MRPS31: variants seen among roughly 807,000 people sequenced by gnomAD.
The protein encoded by MRPS31 is small ribosomal subunit protein mS31.
MRPS31 carries 32 observed loss-of-function variants against 43.1 expected under a neutral mutation model. The observed-to-expected ratio is 0.74, with a 90% CI of 0.56 to 1.00. The LOEUF (loss-of-function observed/expected upper bound fraction) is 1.00. Ranked by LOEUF, MRPS31 falls within the 50% of genes least tolerant of loss-of-function variation. The pLI, the probability that MRPS31 is intolerant of heterozygous loss-of-function variation, is 0.00. For synonymous variants in MRPS31, 165 were observed against 161.6 expected, an observed-to-expected ratio of 1.02 and a Z score of -0.16; for missense variants, 437 against 466.7, an observed-to-expected ratio of 0.94 and a Z score of 0.59.
Position 40,771,170 on chromosome 13 carries a change from G to T in MRPS31, c.-34C>A, listed in dbSNP as rs372641553. ...CACGAAATGAACCAAGAACACAACTGAAATGGTGCGTCCCGCTGCCAAACA... is the reference window on the plus strand; with the variant it reads ...CACGAAATGAACCAAGAACACAACTTAAATGGTGCGTCCCGCTGCCAAACA... On this transcript the variant is annotated 5_prime_UTR_variant, in exon 1 of 7. Coordinates refer to ENST00000323563, the MANE Select transcript of MRPS31 (RefSeq NM_005830.4). 8 of 1,559,428 alleles carry T rather than the reference G, an allele frequency of 5.1e-6. No homozygotes were observed. Among genetic ancestry groups the T allele is most frequent in the African/African-American group, 1.4e-5 (1 of 73,158 alleles).
intron 3 of MRPS31, among the ~76,000 whole-genome samples, chr13:40,757,778 C>T (rs899005096): frequency 6.8e-6 from 1 of 147,572 alleles, no homozygotes; most frequent in African/African-American, 2.5e-5. Context: ...TTTCTTGTCT[C>T]ACACTATTGC....
At chr13:40,740,902 AATGTGCAC>A (rs1297498292) in intron 6 of MRPS31, among the ~76,000 whole-genome samples, 7 of 151,340 alleles carry the variant, frequency 4.6e-5, no homozygotes, top group Non-Finnish European at 5.9e-5. Context: ...TAACCTGCAC[AATGTGCAC>A]ATGTACCCTA....
At chr13:40,737,653 A>G (rs528696126) in intron 6 of MRPS31, among the ~76,000 whole-genome samples, 2 of 152,342 alleles carry the variant, frequency 1.3e-5, no homozygotes, top group South Asian at 2.1e-4. Context: ...CTGCTCAACT[A>G]CATGGAAACT....
chr13:40,755,415 T>A (rs998875967), intron 4 of MRPS31, among the ~76,000 whole-genome samples: 2 of 152,264 alleles, frequency 1.3e-5, no homozygotes, highest in African/African-American at 4.8e-5. Flanking sequence ...GAGCACCTAC[T>A]ATGTACCAGA....
At chr13:40,756,831 A>G (rs750058931) in intron 4 of MRPS31, 42 bp downstream of exon 4, 1 of 1,606,078 alleles carries the variant, frequency 6.2e-7, no homozygotes, top group Admixed American at 1.7e-5. Context: ...AGGTAAAAAC[A>G]AACTACACAA....
chr13:40,753,518 C>T (rs749445517), intron 5 of MRPS31, among the ~76,000 whole-genome samples: 3 of 152,124 alleles, frequency 2.0e-5, no homozygotes, highest in Non-Finnish European at 4.4e-5. Context: ...GTAGTAACCC[C>T]CACCAGGTTA....
rs1237002206 is a variant in MRPS31 at position 40,771,090 on chromosome 13, C to T, written c.47G>A (p.Arg16His). Residue 16 changes from arginine to histidine, a missense_variant, in exon 1 of 7, where the codon CGC becomes CAC. Coordinates refer to ENST00000323563, the MANE Select transcript of MRPS31 (RefSeq NM_005830.4). ...STFLPLRPLS[R>H]HPLSSGSPET... ...CGGGCTTCCAGAGGACAAAGGGTGG[C>T]GGGAAAGGGGGCGAAGAGGTAGGAA... 1 of 1,613,534 alleles carries T rather than the reference C, an allele frequency of 6.2e-7. No individual in the cohort carries two copies. The highest frequency in any genetic ancestry group is 8.5e-7 in the Non-Finnish European group (1 of 1,179,802).
At chr13:40,759,351 T>C (rs1243729616) in intron 2 of MRPS31, among the ~76,000 whole-genome samples, 1 of 152,074 alleles carries the variant, frequency 6.6e-6, no homozygotes, top group Non-Finnish European at 1.5e-5. Flanking sequence ...GGCAAGAGAA[T>C]TGCTTAAAGC....
intron 6 of MRPS31, among the ~76,000 whole-genome samples, chr13:40,735,667 G>A (rs1879877500): frequency 6.6e-6 from 1 of 152,074 alleles, no homozygotes; most frequent in Admixed American, 6.5e-5. Flanking sequence ...ACCAGCAGGG[G>A]CAGACTGACA....
Position 40,756,240 on chromosome 13 carries a change from C to T in MRPS31, c.740+633G>A, listed in dbSNP as rs372863533. Among the ~76,000 whole-genome samples, 125 of 152,292 alleles carry T rather than the reference C, an allele frequency of 8.2e-4. 3 individuals are homozygous for T. In the South Asian group the frequency reaches 0.024, roughly 30 times the overall value. ...TGCCAAATATCTGGTTCCTCCTTCC[C>T]ATCTATCACTTTCAGGGTTTAAAGA... On this transcript the variant is annotated intron_variant, in intron 4 of 6. Coordinates refer to ENST00000323563, the MANE Select transcript of MRPS31 (RefSeq NM_005830.4).
intron 6 of MRPS31, among the ~76,000 whole-genome samples, chr13:40,745,274 C>T (rs527691235): frequency 8.6e-5 from 13 of 152,030 alleles, no homozygotes; most frequent in East Asian, 3.9e-4. Context: ...TATTTTGAGA[C>T]GGAGTTTCAC....
At chr13:40,730,010 G>C (rs1010107942) in intron 6 of MRPS31, among the ~76,000 whole-genome samples, 4 of 151,804 alleles carry the variant, frequency 2.6e-5, no homozygotes, top group Non-Finnish European at 2.9e-5. Flanking sequence ...GATTACAGGA[G>C]TGAGCCACCA....
chr13:40,769,422 T>TATATATATA (rs1880947259), intron 1 of MRPS31, among the ~76,000 whole-genome samples: 2 of 89,282 alleles, frequency 2.2e-5, no homozygotes, highest in Non-Finnish European at 4.5e-5. Context: ...ATATATATAT[T>TATATATATA]ATCAAGTTCT....
At chr13:40,742,261 G>C (rs1172574835) in intron 6 of MRPS31, among the ~76,000 whole-genome samples, 2 of 152,058 alleles carry the variant, frequency 1.3e-5, no homozygotes, top group East Asian at 3.8e-4. Context: ...ATCAAATAAG[G>C]TGACAGGTTA....
intron 6 of MRPS31, among the ~76,000 whole-genome samples, chr13:40,732,994 G>GTTTTTT (rs1159862645): frequency 2.4e-5 from 2 of 84,486 alleles, no homozygotes; most frequent in Non-Finnish European, 4.1e-5. Flanking sequence ...AATGCATTTG[G>GTTTTTT]TTTTTTTTTT....
intron 6 of MRPS31, 136 bp downstream of exon 6, chr13:40,749,002 G>T: frequency 2.5e-6 from 2 of 789,424 alleles, no homozygotes; most frequent in South Asian, 2.6e-5. Context: ...AACCTTGTCA[G>T]ATTTATTTTA....
intron 2 of MRPS31, among the ~76,000 whole-genome samples, chr13:40,766,345 T>C (rs980624000): frequency 6.6e-6 from 1 of 152,196 alleles, no homozygotes; most frequent in Non-Finnish European, 1.5e-5. Context: ...CAGGCTGGAG[T>C]GCAGTGGCAC....
At chr13:40,763,761 T>G (rs765101658) in intron 2 of MRPS31, among the ~76,000 whole-genome samples, 22 of 152,136 alleles carry the variant, frequency 1.4e-4, no homozygotes, top group Non-Finnish European at 2.5e-4. Context: ...CAGAACAAGA[T>G]AGAGGTAACA....
At chr13:40,741,926 C>T (rs1175227704) in intron 6 of MRPS31, among the ~76,000 whole-genome samples, 2 of 135,324 alleles carry the variant, frequency 1.5e-5, no homozygotes, top group Non-Finnish European at 3.4e-5. Flanking sequence ...CACACACACA[C>T]ACACACACTG....
Sources: gnomAD v4.1 joint callset for allele counts (sites outside exome capture counted in the v4.1 genomes callset) on GRCh38, gnomAD v4.1.1 for gene constraint, MANE v1.5 for transcripts, NCBI Gene and HGNC (gene_info 2026-07-23, HGNC 2026-07-21) for gene names.